Variants in TMC1 observed in about 807,000 individuals in gnomAD.
The protein encoded by TMC1 is transmembrane channel-like protein 1.
Under a neutral mutation model 105.8 loss-of-function variants are expected in TMC1, and 84 were observed. The ratio of observed to expected loss-of-function variants is 0.79; its 90% CI spans 0.67 to 0.95. The LOEUF (loss-of-function observed/expected upper bound fraction) is 0.95. Among genes scored for constraint, TMC1 ranks in the 40% least tolerant of loss-of-function variants. The probability of loss-of-function intolerance (pLI) is 0.00; values close to 1 mark genes in which losing one functional copy is unlikely to be tolerated. For synonymous variants in TMC1, 315 were observed against 311.5 expected (o/e 1.01, Z -0.12); for missense variants, 817 against 914.1 (o/e 0.89, Z 1.37).
chr9:72,791,852 A>G (rs1588085277), intron 15 of TMC1, 34 bp from the exon 16 acceptor site: 5 of 1,585,630 alleles, frequency 3.2e-6, no homozygotes, highest in South Asian at 1.1e-5. Context: ...TTTAAACACC[A>G]TTAACCTAGT....
chr9:72,588,323 G>A (rs1824585347), intron 2 of TMC1, among the ~76,000 whole-genome samples: 1 of 152,060 alleles, frequency 6.6e-6, no homozygotes, highest in Admixed American at 6.6e-5. Flanking sequence ...AATTTGGATA[G>A]GGCTGTGTAG....
At chr9:72,625,426 C>T (rs1048549373) in intron 3 of TMC1, among the ~76,000 whole-genome samples, 6 of 152,054 alleles carry the variant, frequency 3.9e-5, no homozygotes, top group African/African-American at 1.2e-4. Context: ...CGGTGGCTCA[C>T]GCCTGTAATC....
At chr9:72,600,527 T>C (rs960092767) in intron 2 of TMC1, among the ~76,000 whole-genome samples, 13 of 152,166 alleles carry the variant, frequency 8.5e-5, no homozygotes, top group Non-Finnish European at 1.0e-4. Context: ...ATAATAGATC[T>C]CTTGGAATAT....
At chr9:72,615,267 C>A (rs1400360487) in intron 2 of TMC1, among the ~76,000 whole-genome samples, 1 of 152,116 alleles carries the variant, frequency 6.6e-6, no homozygotes, top group African/African-American at 2.4e-5. Flanking sequence ...ATTGTCATCT[C>A]CATTTTATAG....
intron 1 of TMC1, among the ~76,000 whole-genome samples, chr9:72,526,006 C>T (rs572681834): frequency 2.0e-4 from 31 of 151,890 alleles, no homozygotes; most frequent in Non-Finnish European, 4.3e-4. Flanking sequence ...AAAAAAATTC[C>T]TTAACCACAG....
intron 1 of TMC1, among the ~76,000 whole-genome samples, chr9:72,527,132 C>T (rs1245608584): frequency 6.6e-6 from 1 of 152,114 alleles, no homozygotes; most frequent in East Asian, 1.9e-4. Flanking sequence ...AGCCTTGAGC[C>T]CTCTAAAAGG....
intron 6 of TMC1, among the ~76,000 whole-genome samples, chr9:72,690,596 A>G (rs1474946178): frequency 1.3e-5 from 2 of 152,152 alleles, no homozygotes; most frequent in Non-Finnish European, 2.9e-5. Context: ...CTTGCTGAGC[A>G]TAGCTTTCTT....
intron 13 of TMC1, among the ~76,000 whole-genome samples, chr9:72,781,739 A>G (rs113941951): frequency 1.3e-5 from 2 of 152,306 alleles, no homozygotes; most frequent in African/African-American, 4.8e-5. Flanking sequence ...CTGAAAACAT[A>G]TAACCTCCCA....
chr9:72,579,794 G>C (rs1203632125), intron 2 of TMC1, among the ~76,000 whole-genome samples: 1 of 151,938 alleles, frequency 6.6e-6, no homozygotes, highest in Non-Finnish European at 1.5e-5. Context: ...GGCCAAGGTG[G>C]GTAGATCACT....
intron 1 of TMC1, among the ~76,000 whole-genome samples, chr9:72,532,153 A>T (rs1048342770): frequency 1.8e-4 from 27 of 150,220 alleles, no homozygotes; most frequent in South Asian, 4.2e-4. Flanking sequence ...CTGATCTTGA[A>T]CTCCTAACCT....
chr9:72,546,812 C>G (rs1023307745), intron 1 of TMC1, among the ~76,000 whole-genome samples: 1 of 152,162 alleles, frequency 6.6e-6, no homozygotes. Flanking sequence ...AGAGAAAAAT[C>G]TACTGATTTT....
At chr9:72,695,080 G>C (rs1181265967) in intron 7 of TMC1, among the ~76,000 whole-genome samples, 2 of 152,122 alleles carry the variant, frequency 1.3e-5, no homozygotes, top group African/African-American at 4.8e-5. Context: ...TTACAGAGCA[G>C]GGGTTGGAAA....
At chr9:72,798,123 A>G (rs1025808422) in intron 17 of TMC1, among the ~76,000 whole-genome samples, 1 of 152,144 alleles carries the variant, frequency 6.6e-6, no homozygotes, top group African/African-American at 2.4e-5. Context: ...ATAAAACTTC[A>G]TATCACTGAT....
intron 7 of TMC1, among the ~76,000 whole-genome samples, chr9:72,695,859 T>C (rs1299574716): frequency 6.6e-6 from 1 of 152,200 alleles, no homozygotes. Flanking sequence ...AACTTGCTTT[T>C]AAATTTTGAC....
chr9:72,748,653 T>C (rs1379593612), intron 10 of TMC1, among the ~76,000 whole-genome samples: 1 of 152,184 alleles, frequency 6.6e-6, no homozygotes, highest in African/African-American at 2.4e-5. Context: ...GAACATCAGT[T>C]TTAGTTAACA....
intron 2 of TMC1, among the ~76,000 whole-genome samples, chr9:72,583,581 AGTGCCAGGAAAATTTT>A (rs1388781447): frequency 6.6e-6 from 1 of 152,222 alleles, no homozygotes; most frequent in African/African-American, 2.4e-5. Context: ...TTCAAAAGGA[AGTGCCAGGAAAATTTT>A]GCTTCCCTCA....
chr9:72,819,388 A>G (rs957261910), intron 19 of TMC1, among the ~76,000 whole-genome samples: 1 of 152,208 alleles, frequency 6.6e-6, no homozygotes, highest in African/African-American at 2.4e-5. Flanking sequence ...GTGCTTTGCA[A>G]TTCTAACCCA....
chr9:72,806,948 C>G (rs953014504), intron 18 of TMC1, among the ~76,000 whole-genome samples: 1 of 152,166 alleles, frequency 6.6e-6, no homozygotes, highest in African/African-American at 2.4e-5. Context: ...GCCGAGATCA[C>G]GCCACTGCAC....
chr9:72,573,197 C>A (rs1824317182), intron 1 of TMC1, among the ~76,000 whole-genome samples: 2 of 152,170 alleles, frequency 1.3e-5, no homozygotes, highest in South Asian at 2.1e-4. Flanking sequence ...ACCCATCAAA[C>A]TCTTCTTTCT....
Sources: allele counts gnomAD v4.1 joint callset (sites outside exome capture counted in the v4.1 genomes callset), GRCh38; gene constraint gnomAD v4.1.1; transcripts MANE v1.5; gene names NCBI Gene and HGNC (gene_info 2026-07-23, HGNC 2026-07-21).